Variants in SPINT2 observed in about 807,000 individuals in gnomAD.
SPINT2 encodes serine peptidase inhibitor, Kunitz type 2.
In SPINT2, 18 loss-of-function variants were observed where a neutral mutation model predicts 30.1. The observed-to-expected ratio is 0.60, with a 90% CI of 0.41 to 0.89. SPINT2 has a LOEUF of 0.89. Among genes scored for constraint, SPINT2 ranks in the 40% least tolerant of loss-of-function variants. The pLI is 0.00. For missense variants in SPINT2, 276 were observed against 334.3 expected, an observed-to-expected ratio of 0.83 and a Z score of 1.36; for synonymous variants, 139 against 137.9, an observed-to-expected ratio of 1.01 and a Z score of -0.05.
chr19:38,287,968 G>A, intron 3 of SPINT2, 33 bp downstream of exon 3: 1 of 1,608,898 alleles, frequency 6.2e-7, no homozygotes, highest in South Asian at 1.1e-5. Flanking sequence ...GATGGAGTGA[G>A]GCCACCGGAT....
In SPINT2 at chr19:38,285,156, A is replaced by G. The variant is rs573899026; in HGVS notation, c.277+1359A>G. On this transcript the variant is annotated intron_variant, in intron 2 of 6. Transcript: ENST00000301244. ...ACCTGCGAGGAGTTCTGTGGAATCA[A>G]GGTAATTTTGACCCTGATAACCTCA... is the stretch of plus-strand genomic sequence containing the variant. 2.6e-5 allele frequency among the ~76,000 whole-genome samples: 4 copies of G among 152,258 alleles called. No homozygotes were observed. In the East Asian group the frequency reaches 7.7e-4, roughly 29 times the overall value.
At chr19:38,278,605 C>T (rs1163017101) in intron 1 of SPINT2, among the ~76,000 whole-genome samples, 1 of 152,110 alleles carries the variant, frequency 6.6e-6, no homozygotes, top group Non-Finnish European at 1.5e-5. Flanking sequence ...TCACTTGAGA[C>T]CAGCCTGGGC....
intron 4 of SPINT2, chr19:38,289,506 A>AAAAAAAAAAAAAAAAAAAAC: frequency 4.1e-6 from 1 of 241,730 alleles, no homozygotes; most frequent in South Asian, 5.4e-5. Flanking sequence ...AAAAAAAAAA[A>AAAAAAAAAAAAAAAAAAAAC]AAAAAAACTC....
chr19:38,264,648 G>T lies in SPINT2; in HGVS notation c.-245G>T, dbSNP rs1018840964. 5.7e-6 allele frequency: 3 copies of T among 524,908 alleles called. No individual in the cohort carries two copies. In the African/African-American group the frequency reaches 6.1e-5, roughly 11 times the overall value. 32.5% of individuals were successfully genotyped at this position (524,908 alleles called of 1,614,324 possible). On this transcript the variant is annotated 5_prime_UTR_variant, in exon 1 of 7. Transcript: ENST00000301244. Reference sequence around the variant, plus strand: ...AACGCGCTGAGGGCCGTTGAGTGTCGCAGGCGGCGAGGGCGCGAGTGAGGA... The same window carrying T: ...AACGCGCTGAGGGCCGTTGAGTGTCTCAGGCGGCGAGGGCGCGAGTGAGGA...
intron 1 of SPINT2, among the ~76,000 whole-genome samples, chr19:38,277,515 A>G (rs1217247286): frequency 6.6e-6 from 1 of 152,162 alleles, no homozygotes; most frequent in Non-Finnish European, 1.5e-5. Context: ...TGCTAAGCCT[A>G]TAAAATTAGA....
chr19:38,268,962 T>A (rs1968414978), intron 1 of SPINT2, among the ~76,000 whole-genome samples: 1 of 152,156 alleles, frequency 6.6e-6, no homozygotes, highest in Admixed American at 6.5e-5. Flanking sequence ...GAATAGAAAC[T>A]TGAAAGGTCC....
intron 1 of SPINT2, among the ~76,000 whole-genome samples, chr19:38,275,775 C>A (rs907859207): frequency 6.8e-6 from 1 of 146,558 alleles, no homozygotes; most frequent in Admixed American, 7.0e-5. Flanking sequence ...CTCTTGTTGC[C>A]CAGGCTGGAG....
chr19:38,289,247 G>A, intron 4 of SPINT2, 56 bp downstream of exon 4: 1 of 1,478,046 alleles, frequency 6.8e-7, no homozygotes, highest in Non-Finnish European at 9.4e-7. Context: ...CCAGCGCTTT[G>A]GGAGGCTGAG....
At chr19:38,289,658 A>G (rs954795878) in intron 4 of SPINT2, 1 of 263,862 alleles carries the variant, frequency 3.8e-6, no homozygotes, top group African/African-American at 2.2e-5. Flanking sequence ...GGTCAAGGTG[A>G]CAGGCCCCAC....
intron 1 of SPINT2, among the ~76,000 whole-genome samples, chr19:38,272,000 G>T (rs150288505): frequency 1.3e-5 from 2 of 152,106 alleles, no homozygotes; most frequent in Non-Finnish European, 2.9e-5. Context: ...CAGCACTTTG[G>T]GGGGCTGAGG....
intron 2 of SPINT2, among the ~76,000 whole-genome samples, chr19:38,286,809 T>G (rs1030742785): frequency 6.6e-6 from 1 of 151,998 alleles, no homozygotes; most frequent in Non-Finnish European, 1.5e-5. Flanking sequence ...CATGTTAACC[T>G]TTAAAAAAAG....
chr19:38,269,803 G>A (rs10408117), intron 1 of SPINT2, among the ~76,000 whole-genome samples: 2 of 94,046 alleles, frequency 2.1e-5, no homozygotes, highest in African/African-American at 5.2e-5. Context: ...TAGAGACGGG[G>A]TTTCACCGTG....
chr19:38,286,088 T>A (rs1401577421), intron 2 of SPINT2, among the ~76,000 whole-genome samples: 1 of 152,098 alleles, frequency 6.6e-6, no homozygotes, highest in East Asian at 1.9e-4. Context: ...CTGGCTGCAA[T>A]GTGTGTCTCT....
At chr19:38,269,696 C>T (rs549420148) in intron 1 of SPINT2, among the ~76,000 whole-genome samples, 55 of 150,422 alleles carry the variant, frequency 3.7e-4, no homozygotes, top group Non-Finnish European at 7.8e-4. Context: ...CTGCAAGCTC[C>T]GCCTCCTGGG....
intron 1 of SPINT2, 48 bp downstream of exon 1, chr19:38,265,046 C>T: frequency 2.2e-6 from 3 of 1,381,792 alleles, no homozygotes; most frequent in South Asian, 1.5e-5. Context: ...GGGGCAGAGG[C>T]TCGGGGGTCA....
rs767551161 is a variant in SPINT2, at chr19:38,283,688, C to T, written c.168C>T (p.Tyr56=). The T allele has an allele frequency of 9.9e-6, 16 of 1,613,990 alleles. No homozygotes were observed. Among genetic ancestry groups the T allele is most frequent in the Non-Finnish European group, 1.4e-5 (16 of 1,180,044 alleles). Residue 56 remains tyrosine (Y), a synonymous_variant, in exon 2 of 7, where the codon TAC becomes TAT. Coordinates refer to ENST00000301244, the MANE Select transcript of SPINT2 (RefSeq NM_021102.4). ...GGGCCTCCATGCCTAGGTGGTGGTA[C>T]AATGTCACTGACGGATCCTGCCAGC... is the stretch of plus-strand genomic sequence containing the variant. ...RCRASMPRWW[Y]NVTDGSCQLF... is the part of the protein sequence containing the mutation.
intron 1 of SPINT2, 101 bp downstream of exon 1, chr19:38,265,099 G>T: frequency 1.0e-6 from 1 of 994,460 alleles, no homozygotes; most frequent in South Asian, 1.6e-5. Context: ...AGGAAACTGG[G>T]GGCTACTTGA....
At chr19:38,283,004 G>GT (rs60957053) in intron 1 of SPINT2, among the ~76,000 whole-genome samples, 459 of 146,968 alleles carry the variant, frequency 3.1e-3, no homozygotes, top group African/African-American at 7.1e-3. Flanking sequence ...GTTTTGTTTT[G>GT]TTTTTTTTTT....
At position 38,290,679 on chromosome 19, in the gene SPINT2, C is replaced by A; in HGVS notation, c.592+104C>A. Reference sequence around the variant, plus strand: ...GGTTTACATTATCCTTCACTGTGAACATCATCTTGGCAGAAAGTCATGTTT... The same window carrying A: ...GGTTTACATTATCCTTCACTGTGAAAATCATCTTGGCAGAAAGTCATGTTT... On this transcript the variant is annotated intron_variant, in intron 6 of 6. Coordinates refer to ENST00000301244, the MANE Select transcript of SPINT2 (RefSeq NM_021102.4). This position sits in a 1 kb window ranked among gnomAD's most constrained non-coding sequence, Gnocchi z 4.3. The A allele has an allele frequency of 7.0e-7, 1 of 1,420,516 alleles. No homozygotes were observed. Among genetic ancestry groups the A allele is most frequent in the Non-Finnish European group, 9.7e-7 (1 of 1,031,986 alleles). 88.0% of individuals were successfully genotyped at this position (1,420,516 alleles called of 1,614,324 possible).
Sources: allele counts gnomAD v4.1 joint callset (sites outside exome capture counted in the v4.1 genomes callset), GRCh38; gene constraint gnomAD v4.1.1; non-coding constraint Gnocchi (gnomAD v3.1); transcripts MANE v1.5; gene names NCBI Gene and HGNC (gene_info 2026-07-23, HGNC 2026-07-21).